The following PTBP3 variants were observed in gnomAD, a reference collection of about 807,000 sequenced individuals.
PTBP3 encodes the protein polypyrimidine tract-binding protein 3.
Under a neutral mutation model 58.7 loss-of-function variants are expected in PTBP3, and 20 were observed. The observed-to-expected ratio is 0.34, with a 90% CI of 0.24 to 0.50. The LOEUF (loss-of-function observed/expected upper bound fraction) is 0.50, where lower values mean the gene tolerates loss of function less well. Among genes scored for constraint, PTBP3 ranks in the 20% least tolerant of loss-of-function variants. The probability of loss-of-function intolerance (pLI) is 0.98; values close to 1 mark genes in which losing one functional copy is unlikely to be tolerated. For synonymous variants in PTBP3, 185 were observed against 219.8 expected, an observed-to-expected ratio of 0.84 and a Z score of 1.40; for missense variants, 509 against 637.2, an observed-to-expected ratio of 0.80 and a Z score of 2.17.
chr9:112,228,277 T>C (rs902813671), intron 11 of PTBP3, 103 bp downstream of exon 11: 22 of 743,278 alleles, frequency 3.0e-5, no homozygotes, highest in Non-Finnish European at 4.3e-5. Context: ...CAAGGAGGTG[T>C]TCTTTTGTAA....
chr9:112,272,074 T>TTA (rs1222585010), intron 3 of PTBP3, among the ~76,000 whole-genome samples: 10 of 126,162 alleles, frequency 7.9e-5, no homozygotes, highest in South Asian at 2.5e-4. Context: ...CTCTTTTTAT[T>TTA]TTTTATTTTT....
intron 1 of PTBP3, among the ~76,000 whole-genome samples, chr9:112,305,888 C>T (rs572290241): frequency 1.3e-3 from 204 of 152,088 alleles, no homozygotes; most frequent in Non-Finnish European, 2.0e-3. Context: ...TGCAGTGAGC[C>T]GAGACCGCGC....
chr9:112,229,837 C>T (rs985307964), intron 10 of PTBP3, among the ~76,000 whole-genome samples: 2 of 152,168 alleles, frequency 1.3e-5, no homozygotes, highest in African/African-American at 2.4e-5. Context: ...GTTGGGATTA[C>T]AGGCATGAGC....
At chr9:112,325,781 C>T (rs772505168) in intron 1 of PTBP3, among the ~76,000 whole-genome samples, 2 of 152,056 alleles carry the variant, frequency 1.3e-5, no homozygotes, top group African/African-American at 2.4e-5. Context: ...CCCAGTACTT[C>T]GGGTGGCCGA....
At chr9:112,322,320 C>A (rs1197119505) in intron 1 of PTBP3, among the ~76,000 whole-genome samples, 1 of 152,088 alleles carries the variant, frequency 6.6e-6, no homozygotes, top group South Asian at 2.1e-4. Flanking sequence ...ACTCCAGTCC[C>A]TTCTGGCTTA....
At chr9:112,238,640 A>G (rs895959039) in intron 7 of PTBP3, among the ~76,000 whole-genome samples, 1 of 152,196 alleles carries the variant, frequency 6.6e-6, no homozygotes, top group Non-Finnish European at 1.5e-5. Context: ...CACAAAAGAA[A>G]AAGGACACCA....
the PTBP3 span, among the ~76,000 whole-genome samples, chr9:112,366,219 AT>A: frequency 6.6e-6 from 1 of 151,732 alleles, no homozygotes; most frequent in African/African-American, 2.4e-5. Context: ...GGAAGCGGAG[AT>A]TGCAGTGAGC....
At chr9:112,345,512 A>C in the PTBP3 span, among the ~76,000 whole-genome samples, 3 of 151,356 alleles carry the variant, frequency 2.0e-5, no homozygotes, top group African/African-American at 4.9e-5. Flanking sequence ...AGTAGCTGGG[A>C]CCGCAGGAGC....
intron 1 of PTBP3, among the ~76,000 whole-genome samples, chr9:112,305,716 G>A (rs953897607): frequency 2.6e-5 from 4 of 152,134 alleles, no homozygotes; most frequent in East Asian, 1.9e-4. Flanking sequence ...CGAGGGGGGC[G>A]GATAATGAGG....
chr9:112,372,524 C>A, the PTBP3 span, among the ~76,000 whole-genome samples: 1 of 152,066 alleles, frequency 6.6e-6, no homozygotes, highest in Non-Finnish European at 1.5e-5. Context: ...TTTTCATCAC[C>A]CCAAAACGAA....
chr9:112,224,030 C>T, intron 13 of PTBP3, 47 bp from the exon 14 acceptor site: 5 of 1,584,596 alleles, frequency 3.2e-6, no homozygotes, highest in Middle Eastern at 1.7e-4. Flanking sequence ...ATGAATTTTG[C>T]TTCCAAACTC....
upstream of PTBP3, among the ~76,000 whole-genome samples, chr9:112,336,392 A>G (rs975974930): frequency 6.6e-6 from 1 of 152,148 alleles, no homozygotes; most frequent in South Asian, 2.1e-4. Flanking sequence ...AATCCTTTAT[A>G]TAAAGCCTTT....
intron 4 of PTBP3, among the ~76,000 whole-genome samples, chr9:112,266,282 T>C (rs1012923577): frequency 2.0e-5 from 3 of 152,346 alleles, no homozygotes; most frequent in Admixed American, 2.0e-4. Flanking sequence ...TATATTTTAC[T>C]ACAATAAAAA....
At chr9:112,279,125 G>A (rs1212804176) in intron 2 of PTBP3, among the ~76,000 whole-genome samples, 1 of 152,114 alleles carries the variant, frequency 6.6e-6, no homozygotes, top group Non-Finnish European at 1.5e-5. Context: ...ATAATCTGAA[G>A]ATGAAGAATG....
At chr9:112,247,585 T>C (rs1835940403) in intron 7 of PTBP3, among the ~76,000 whole-genome samples, 1 of 150,080 alleles carries the variant, frequency 6.7e-6, no homozygotes, top group Non-Finnish European at 1.5e-5. Context: ...AGATTTAGTG[T>C]TGTTCACCTA....
chr9:112,221,952 G>A lies in PTBP3; in HGVS notation c.*1899C>T. 1 of 934,700 alleles carries A rather than the reference G, an allele frequency of 1.1e-6. No individual in the cohort carries two copies. Among genetic ancestry groups the A allele is most frequent in the Non-Finnish European group, 1.3e-6 (1 of 783,780 alleles). The allele number at this position is 934,700 out of a possible 1,614,324, so 57.9% of individuals were successfully genotyped here. A position where few individuals can be genotyped will look rare whatever the true frequency, so the allele number is the denominator to read the frequency against. On this transcript the variant is annotated 3_prime_UTR_variant, in exon 14 of 14. Coordinates refer to ENST00000374257, the MANE Select transcript of PTBP3 (RefSeq NM_001163788.4). ...GGGGTCACACTATGTTCCAGGGCTGGAGTGAAGTGGCTATTCACAAATGTG... is the reference window on the plus strand; with the variant it reads ...GGGGTCACACTATGTTCCAGGGCTGAAGTGAAGTGGCTATTCACAAATGTG...
chr9:112,249,747 T>G (rs1836028420), intron 7 of PTBP3, among the ~76,000 whole-genome samples: 1 of 151,886 alleles, frequency 6.6e-6, no homozygotes, highest in Admixed American at 6.6e-5. Context: ...GCACCAAGAG[T>G]ATATAATCAA....
intron 1 of PTBP3, among the ~76,000 whole-genome samples, chr9:112,309,712 A>G (rs528352816): frequency 6.6e-6 from 1 of 151,764 alleles, no homozygotes; most frequent in African/African-American, 2.4e-5. Context: ...TGCTTCAACC[A>G]GGGAGGTGGA....
At position 112,329,413 on chromosome 9, in the gene PTBP3, C is replaced by CA. The variant is rs5900000; in HGVS notation, c.-52+4056dup. On this transcript the variant is annotated intron_variant, in intron 1 of 13. Coordinates refer to ENST00000374257, the MANE Select transcript of PTBP3 (RefSeq NM_001163788.4). Reference sequence around the variant, plus strand: ...CCTGGGCAACAGGGAGGCTCCGCCTCAAAAAAAAAAAATCCAATAAATGAA... The same window carrying CA: ...CCTGGGCAACAGGGAGGCTCCGCCTCAAAAAAAAAAAAATCCAATAAATGAA... Among the ~76,000 whole-genome samples, 445 of 150,480 alleles carry CA rather than the reference C, an allele frequency of 3.0e-3. 1 individual carries two copies. The highest frequency in any genetic ancestry group is 0.01 in the African/African-American group (423 of 41,138).
Sources: gnomAD v4.1 joint callset for allele counts (sites outside exome capture counted in the v4.1 genomes callset) on GRCh38, gnomAD v4.1.1 for gene constraint, MANE v1.5 for transcripts, NCBI Gene and HGNC (gene_info 2026-07-23, HGNC 2026-07-21) for gene names.